Variants in ZSCAN5A observed in about 807,000 individuals in gnomAD.
ZSCAN5A encodes the protein zinc finger and SCAN domain containing 5A.
In ZSCAN5A, 12 loss-of-function variants were observed where a neutral mutation model predicts 23.7. The ratio of observed to expected loss-of-function variants is 0.51; its 90% CI spans 0.32 to 0.82. ZSCAN5A has a LOEUF of 0.82. Among genes scored for constraint, ZSCAN5A ranks in the 40% least tolerant of loss-of-function variants. ZSCAN5A has a pLI of 0.03. For missense variants in ZSCAN5A, 597 were observed against 617.9 expected (o/e 0.97, Z 0.36); for synonymous variants, 257 against 239.9 (o/e 1.07, Z -0.66).
At chr19:56,323,291 G>A (rs902825870) in intron 2 of ZSCAN5A, among the ~76,000 whole-genome samples, 4 of 152,050 alleles carry the variant, frequency 2.6e-5, no homozygotes, top group African/African-American at 7.2e-5. Context: ...AACCTCCCAG[G>A]CTCAAGTGAT....
At chr19:56,253,131 T>C (rs1438449902) in intron 2 of ZSCAN5A, among the ~76,000 whole-genome samples, 1 of 152,166 alleles carries the variant, frequency 6.6e-6, no homozygotes, top group African/African-American at 2.4e-5. Context: ...GCCCTGTTCC[T>C]TTCCCTTGCA....
At chr19:56,310,661 T>C (rs867088580) in intron 2 of ZSCAN5A, among the ~76,000 whole-genome samples, 6 of 152,242 alleles carry the variant, frequency 3.9e-5, no homozygotes, top group Non-Finnish European at 5.9e-5. Context: ...TCCGTATTCT[T>C]TTGTGTAAAG....
chr19:56,236,579 GTCTC>G (rs1405186964), intron 2 of ZSCAN5A, among the ~76,000 whole-genome samples: 2 of 32,846 alleles, frequency 6.1e-5, no homozygotes, highest in Admixed American at 3.1e-4. Flanking sequence ...GGTGGGCCAA[GTCTC>G]CACTCCAGCC....
chr19:56,247,418 C>CACCTTGG, intron 2 of ZSCAN5A: 1 of 175,568 alleles, frequency 5.7e-6, no homozygotes, highest in Non-Finnish European at 1.3e-5. Context: ...TGTCTAAGAG[C>CACCTTGG]CTTTCGTCGG....
At position 56,223,657 on chromosome 19, in the gene ZSCAN5A, T is replaced by C. The variant is rs780427415; in HGVS notation, c.562A>G (p.Arg188Gly). The C allele has an allele frequency of 5.0e-6, 8 of 1,613,692 alleles. No homozygotes were observed. Among genetic ancestry groups the C allele is most frequent in the South Asian group, 2.2e-5 (2 of 91,058 alleles). ...QAHRELQILP[R>G]VPALSRRQGE... ...TGCCTCCTGGACAATGCAGGGACCCTGGGCAGGATCTGCAGCTCTCGGTGG... is the reference window on the plus strand; with the variant it reads ...TGCCTCCTGGACAATGCAGGGACCCCGGGCAGGATCTGCAGCTCTCGGTGG... The change falls in exon 4 of 6, where the codon AGG (arginine) becomes GGG (glycine). Residue 188 changes from arginine (R) to glycine (G), a missense_variant. Around this residue, in one of 5 missense-constraint regions of ZSCAN5A, gnomAD observed 406 missense variants for 353.2 expected, o/e 1.15. Transcript: ENST00000683990.
At position 56,221,351 on chromosome 19, in the gene ZSCAN5A, C is replaced by T; in HGVS notation, c.*224G>A. ...TGATCGTTTATTGGAAGAACAGCAA[C>T]ACAAACCAAAATAAACCTATAAGAA... On this transcript the variant is annotated 3_prime_UTR_variant, in exon 6 of 6. Coordinates refer to ENST00000683990, the MANE Select transcript of ZSCAN5A (RefSeq NM_001322064.3). 1 of 490,302 alleles carries T rather than the reference C, an allele frequency of 2.0e-6. No homozygotes were observed. Among genetic ancestry groups the T allele is most frequent in the South Asian group, 4.9e-5 (1 of 20,258 alleles). The allele number at this position is 490,302 out of a possible 1,614,324, so 30.4% of individuals were successfully genotyped here.
intron 2 of ZSCAN5A, chr19:56,294,997 A>G (rs1165265064): frequency 6.6e-6 from 1 of 152,168 alleles, no homozygotes; most frequent in Non-Finnish European, 1.5e-5. Flanking sequence ...GCCCAGAGAG[A>G]TGGGGAGTGA....
intron 2 of ZSCAN5A, among the ~76,000 whole-genome samples, chr19:56,298,395 T>C (rs952232480): frequency 1.3e-5 from 2 of 152,114 alleles, no homozygotes; most frequent in African/African-American, 4.8e-5. Flanking sequence ...CCCAGCATTC[T>C]GGGAGGCCGA....
chr19:56,265,301 C>T (rs72629154), intron 2 of ZSCAN5A, among the ~76,000 whole-genome samples: 19,310 of 149,674 alleles, frequency 0.13, 1,502 homozygotes, highest in Middle Eastern at 0.25. Flanking sequence ...TCCAAACCAT[C>T]TTCACTTCTC....
At chr19:56,300,984 A>G (rs941702781) in intron 2 of ZSCAN5A, among the ~76,000 whole-genome samples, 1 of 152,104 alleles carries the variant, frequency 6.6e-6, no homozygotes, top group South Asian at 2.1e-4. Flanking sequence ...TGAGAAAGAG[A>G]AAGGATGGCG....
intron 2 of ZSCAN5A, among the ~76,000 whole-genome samples, chr19:56,252,774 C>A (rs1479369763): frequency 6.6e-6 from 1 of 152,176 alleles, no homozygotes; most frequent in Non-Finnish European, 1.5e-5. Flanking sequence ...ACCATGGTCA[C>A]CAGGGGAAAT....
intron 2 of ZSCAN5A, chr19:56,244,258 G>C (rs1011724826): frequency 6.9e-6 from 11 of 1,605,372 alleles, no homozygotes; most frequent in Non-Finnish European, 7.7e-6. Context: ...GCCATCTGTG[G>C]CTGAGGCCCG....
intron 2 of ZSCAN5A, among the ~76,000 whole-genome samples, chr19:56,333,788 C>T (rs1473019048): frequency 1.3e-5 from 2 of 151,604 alleles, no homozygotes; most frequent in South Asian, 2.1e-4. Flanking sequence ...AAAAGCAAAG[C>T]CAAAAGATGG....
intron 2 of ZSCAN5A, among the ~76,000 whole-genome samples, chr19:56,359,954 G>A (rs1037922059): frequency 6.6e-6 from 1 of 152,042 alleles, no homozygotes; most frequent in Non-Finnish European, 1.5e-5. Flanking sequence ...ATGACAAACC[G>A]ACAGCCAGTA....
chr19:56,247,724 T>C (rs563025935), intron 2 of ZSCAN5A, among the ~76,000 whole-genome samples: 38 of 152,244 alleles, frequency 2.5e-4, no homozygotes, highest in African/African-American at 8.7e-4. Context: ...CGGAGTCTTG[T>C]TCTGTCACCC....
In ZSCAN5A at chr19:56,352,028, G is replaced by T. The variant is rs115522346; in HGVS notation, c.-358+11207C>A. 6.6e-3 allele frequency among the ~76,000 whole-genome samples: 1,002 copies of T among 152,322 alleles called. 14 individuals are homozygous for T. The highest frequency in any genetic ancestry group is 0.023 in the African/African-American group (951 of 41,564). On this transcript the variant is annotated intron_variant, in intron 2 of 6. Coordinates refer to the ZSCAN5A transcript ENST00000587340. This position sits in a 1 kb window ranked among gnomAD's most constrained non-coding sequence, Gnocchi z 4.2. ...GAAACTCAGGAAGGGATGCGGTGAA[G>T]ATACTGATGGAGTGCCTTCTTTATG...
At chr19:56,256,709 T>C (rs2036722945) in intron 2 of ZSCAN5A, among the ~76,000 whole-genome samples, 2 of 152,006 alleles carry the variant, frequency 1.3e-5, no homozygotes, top group Admixed American at 6.6e-5. Flanking sequence ...TGGAGACAGA[T>C]ATAGGGGCAG....
chr19:56,330,237 A>G (rs963578616), intron 2 of ZSCAN5A, among the ~76,000 whole-genome samples: 1 of 152,194 alleles, frequency 6.6e-6, no homozygotes, highest in African/African-American at 2.4e-5. Context: ...TCCACTAATA[A>G]TGGGCAGCTA....
At chr19:56,290,505 T>C (rs2039441331) in intron 2 of ZSCAN5A, among the ~76,000 whole-genome samples, 2 of 152,178 alleles carry the variant, frequency 1.3e-5, no homozygotes, top group Non-Finnish European at 2.9e-5. Flanking sequence ...CCCTACTTCA[T>C]ATCTAAAGAA....
Sources: allele counts gnomAD v4.1 joint callset (sites outside exome capture counted in the v4.1 genomes callset), GRCh38; gene constraint gnomAD v4.1.1; regional missense constraint gnomAD v4.1.1; non-coding constraint Gnocchi (gnomAD v3.1); transcripts MANE v1.5; gene names NCBI Gene and HGNC (gene_info 2026-07-23, HGNC 2026-07-21).